Variants in LMBRD1 observed in about 807,000 individuals in gnomAD.
LMBRD1 encodes lysosomal cobalamin transport escort protein LMBD1.
Under a neutral mutation model 74.8 loss-of-function variants are expected in LMBRD1, and 64 were observed. The observed-to-expected ratio is 0.86, with a 90% CI of 0.70 to 1.05. LMBRD1 has a LOEUF of 1.05. LMBRD1 is among the 50% of genes least tolerant of loss of function. The pLI is 0.00. For missense variants in LMBRD1, 652 were observed against 645.9 expected (o/e 1.01, Z -0.10); for synonymous variants, 204 against 216.3 (o/e 0.94, Z 0.50).
At chr6:69,690,362 T>C (rs1178335035) in intron 14 of LMBRD1, among the ~76,000 whole-genome samples, 1 of 152,074 alleles carries the variant, frequency 6.6e-6, no homozygotes, top group Non-Finnish European at 1.5e-5. Context: ...AAAACTAAAC[T>C]CTACATTCTC....
At position 69,675,996 on chromosome 6, in the gene LMBRD1, A is replaced by G. The variant is rs1334554308; in HGVS notation, c.*162T>C. On this transcript the variant is annotated 3_prime_UTR_variant, in exon 16 of 16. Coordinates refer to ENST00000649934, the MANE Select transcript of LMBRD1 (RefSeq NM_018368.4). ...GTAATTTAAAATGTTAATCTATGAT[A>G]CAATGTTACTTCAGAAAACATATAA... 6 of 636,950 alleles carry G rather than the reference A, an allele frequency of 9.4e-6. No homozygotes were observed. The highest frequency in any genetic ancestry group is 1.7e-5 in the Non-Finnish European group (6 of 357,988). 39.5% of individuals were successfully genotyped at this position (636,950 alleles called of 1,614,324 possible).
At chr6:69,765,554 T>A (rs1765460669) in intron 3 of LMBRD1, among the ~76,000 whole-genome samples, 1 of 152,206 alleles carries the variant, frequency 6.6e-6, no homozygotes, top group South Asian at 2.1e-4. Flanking sequence ...TTCTCTGATG[T>A]CATTTTTCTT....
At chr6:69,729,307 T>G (rs1363374371) in intron 7 of LMBRD1, among the ~76,000 whole-genome samples, 2 of 151,010 alleles carry the variant, frequency 1.3e-5, no homozygotes, top group Non-Finnish European at 2.9e-5. Flanking sequence ...CCCTGACTTG[T>G]AAATGTCCCT....
chr6:69,682,155 T>C (rs571420866), intron 14 of LMBRD1, among the ~76,000 whole-genome samples: 4 of 151,966 alleles, frequency 2.6e-5, no homozygotes, highest in African/African-American at 4.8e-5. Flanking sequence ...TGAAGATATA[T>C]AATAAAAACC....
chr6:69,728,264 C>T (rs1037068263), intron 7 of LMBRD1, among the ~76,000 whole-genome samples: 1 of 152,126 alleles, frequency 6.6e-6, no homozygotes, highest in East Asian at 1.9e-4. Context: ...GGTGCTAAAC[C>T]ATTAGACACT....
chr6:69,776,257 A>T (rs989987660), intron 3 of LMBRD1, among the ~76,000 whole-genome samples: 1 of 152,248 alleles, frequency 6.6e-6, no homozygotes, highest in Non-Finnish European at 1.5e-5. Flanking sequence ...GTGAGACTAT[A>T]AATTTGAATC....
At chr6:69,774,670 G>C (rs948168207) in intron 3 of LMBRD1, among the ~76,000 whole-genome samples, 1 of 152,004 alleles carries the variant, frequency 6.6e-6, no homozygotes, top group African/African-American at 2.4e-5. Context: ...GGGATAAAAG[G>C]ACTGCAAAGC....
At chr6:69,700,714 A>C in intron 12 of LMBRD1, 51 bp downstream of exon 12, 1 of 1,191,322 alleles carries the variant, frequency 8.4e-7, no homozygotes, top group Non-Finnish European at 1.2e-6. Flanking sequence ...GTAATTATGG[A>C]GATCACACAC....
intron 6 of LMBRD1, among the ~76,000 whole-genome samples, chr6:69,739,975 G>A (rs1233234169): frequency 6.6e-6 from 1 of 151,992 alleles, no homozygotes; most frequent in African/African-American, 2.4e-5. Flanking sequence ...GCGTGGTGGC[G>A]GGTGCCTGTA....
At chr6:69,718,879 T>G in intron 8 of LMBRD1, 77 bp downstream of exon 8, 1 of 1,491,224 alleles carries the variant, frequency 6.7e-7, no homozygotes, top group East Asian at 2.3e-5. Flanking sequence ...GGGTTGACAA[T>G]GTCTAAGTCA....
At chr6:69,796,709 G>A (rs1766241159) in intron 1 of LMBRD1, 104 bp downstream of exon 1, 1 of 1,050,364 alleles carries the variant, frequency 9.5e-7, no homozygotes, top group Non-Finnish European at 1.5e-6. Flanking sequence ...AAAGCGGGGC[G>A]GGGCGAAGAG....
At chr6:69,796,227 T>C (rs2149900676) in intron 1 of LMBRD1, among the ~76,000 whole-genome samples, 1 of 149,418 alleles carries the variant, frequency 6.7e-6, no homozygotes. Context: ...CCTCCACAGG[T>C]ATCTACACCA....
Position 69,776,434 on chromosome 6 carries a change from C to A in LMBRD1, c.307+4060G>T, listed in dbSNP as rs369969925. Among the ~76,000 whole-genome samples, 24 of 152,194 alleles carry A rather than the reference C, an allele frequency of 1.6e-4. No homozygotes were observed. The East Asian group carries it at 4.1e-3, about 26-fold the overall frequency. On this transcript the variant is annotated intron_variant, in intron 3 of 15. Coordinates refer to ENST00000649934, the MANE Select transcript of LMBRD1 (RefSeq NM_018368.4). ...GGTACCTAAGAAAACTTGACACATA[C>A]AGAAAAAACCCTGCATTAGTAACTC...
chr6:69,771,430 C>T (rs1765575130), intron 3 of LMBRD1, among the ~76,000 whole-genome samples: 1 of 152,206 alleles, frequency 6.6e-6, no homozygotes, highest in Non-Finnish European at 1.5e-5. Context: ...GACAAAGTCA[C>T]TGTCTTCTAC....
At chr6:69,739,942 C>T (rs1456874993) in intron 6 of LMBRD1, among the ~76,000 whole-genome samples, 4 of 152,138 alleles carry the variant, frequency 2.6e-5, no homozygotes, top group African/African-American at 7.2e-5. Flanking sequence ...TCCATCTCTA[C>T]TAAAAATACA....
At chr6:69,719,128 T>C (rs751589279) in intron 7 of LMBRD1, 47 bp from the exon 8 acceptor site, 2 of 1,567,026 alleles carry the variant, frequency 1.3e-6, no homozygotes, top group African/African-American at 1.4e-5. Context: ...GTTTCAAACA[T>C]ATTATACACA....
At chr6:69,757,371 G>A (rs1765288484) in intron 3 of LMBRD1, among the ~76,000 whole-genome samples, 1 of 152,148 alleles carries the variant, frequency 6.6e-6, no homozygotes, top group African/African-American at 2.4e-5. Context: ...CAACATCTGG[G>A]GAAATGAAGT....
At chr6:69,710,844 T>C (rs993140727) in intron 9 of LMBRD1, among the ~76,000 whole-genome samples, 2 of 152,130 alleles carry the variant, frequency 1.3e-5, no homozygotes, top group African/African-American at 2.4e-5. Context: ...CAATGGGCAA[T>C]CTCTTATTGC....
intron 3 of LMBRD1, among the ~76,000 whole-genome samples, chr6:69,774,273 C>G (rs1193820454): frequency 2.0e-5 from 3 of 152,168 alleles, no homozygotes; most frequent in African/African-American, 7.2e-5. Flanking sequence ...CGCCTTCCAC[C>G]ATGATTATGA....
Sources: gnomAD v4.1 joint callset for allele counts (sites outside exome capture counted in the v4.1 genomes callset) on GRCh38, gnomAD v4.1.1 for gene constraint, MANE v1.5 for transcripts, NCBI Gene and HGNC (gene_info 2026-07-23, HGNC 2026-07-21) for gene names.